NREP: variants seen among roughly 807,000 people sequenced by gnomAD.
NREP encodes the protein neuronal regeneration related protein.
In NREP, 5 loss-of-function variants were observed where a neutral mutation model predicts 8.6. That is an observed-to-expected ratio of 0.58 (90% CI 0.30 to 1.22). The LOEUF (loss-of-function observed/expected upper bound fraction) is 1.22. Ranked by LOEUF, NREP falls within the 50% of genes most tolerant of loss-of-function variation. NREP has a pLI of 0.07. For missense variants in NREP, 86 were observed against 82.5 expected (o/e 1.04, Z -0.17); for synonymous variants, 27 against 28.0 (o/e 0.96, Z 0.11).
At chr5:111,972,475 T>C (rs1247850341) in intron 2 of NREP, among the ~76,000 whole-genome samples, 3 of 152,242 alleles carry the variant, frequency 2.0e-5, no homozygotes, top group Non-Finnish European at 4.4e-5. Flanking sequence ...TGATCTGCTT[T>C]AATTGCAATG....
At chr5:111,761,063 G>T (rs990149267), upstream of NREP, among the ~76,000 whole-genome samples, 1 of 152,166 alleles carries the variant, frequency 6.6e-6, no homozygotes, top group Non-Finnish European at 1.5e-5. Context: ...GCTCTATGTG[G>T]CCTTGGATAA....
At chr5:111,797,162 A>G (rs1195172968) in intron 2 of NREP, among the ~76,000 whole-genome samples, 1 of 152,252 alleles carries the variant, frequency 6.6e-6, no homozygotes, top group Non-Finnish European at 1.5e-5. Context: ...GGGACAGATT[A>G]GAGATGAAAA....
chr5:111,799,487 C>T (rs985941331), intron 2 of NREP, among the ~76,000 whole-genome samples: 1 of 152,186 alleles, frequency 6.6e-6, no homozygotes, highest in Non-Finnish European at 1.5e-5. Context: ...AGACCAATTG[C>T]CCTAGGATAA....
chr5:111,743,635 T>C (rs1749819612), intron 2 of NREP, among the ~76,000 whole-genome samples: 1 of 152,290 alleles, frequency 6.6e-6, no homozygotes, highest in Middle Eastern at 3.4e-3. Flanking sequence ...TTGTGAATTT[T>C]AGAATGGTAT....
At chr5:111,771,885 C>A (rs752668346) in intron 2 of NREP, among the ~76,000 whole-genome samples, 2 of 151,944 alleles carry the variant, frequency 1.3e-5, no homozygotes, top group Non-Finnish European at 2.9e-5. Flanking sequence ...TCCCTAAGAA[C>A]TATATTACTT....
chr5:111,885,355 G>A (rs866649191), intron 2 of NREP, among the ~76,000 whole-genome samples: 54 of 151,916 alleles, frequency 3.6e-4, no homozygotes, highest in Non-Finnish European at 5.9e-4. Flanking sequence ...AACATTCCAT[G>A]CTCATGAGTA....
At chr5:111,843,054 A>G (rs1402698641) in intron 2 of NREP, among the ~76,000 whole-genome samples, 4 of 152,110 alleles carry the variant, frequency 2.6e-5, no homozygotes, top group Admixed American at 2.6e-4. Flanking sequence ...ATTTTTGATT[A>G]TTTGGGATCC....
chr5:111,864,164 C>T (rs1052832631), intron 2 of NREP, among the ~76,000 whole-genome samples: 1 of 152,116 alleles, frequency 6.6e-6, no homozygotes, highest in African/African-American at 2.4e-5. Flanking sequence ...ACTCACTGCA[C>T]CATGTTTTGT....
intron 2 of NREP, among the ~76,000 whole-genome samples, chr5:111,958,028 G>A (rs1756373821): frequency 6.6e-6 from 1 of 151,872 alleles, no homozygotes; most frequent in African/African-American, 2.4e-5. Flanking sequence ...CTAAAGTGAA[G>A]CTTTCGAAAG....
intron 2 of NREP, among the ~76,000 whole-genome samples, chr5:111,880,997 C>A (rs144418328): frequency 6.6e-6 from 1 of 152,118 alleles, no homozygotes; most frequent in African/African-American, 2.4e-5. Flanking sequence ...TGCAGCGCAC[C>A]GTGCATGAGC....
intron 2 of NREP, chr5:111,846,419 G>GTTTTTTTTTTTTTT (rs1753168991): frequency 2.6e-5 from 1 of 37,744 alleles, no homozygotes; most frequent in Non-Finnish European, 5.4e-5. Flanking sequence ...CTTTTTGTTT[G>GTTTTTTTTTTTTTT]CTTTTTTTTT....
At chr5:111,936,405 T>G (rs1755684311) in intron 2 of NREP, among the ~76,000 whole-genome samples, 1 of 152,060 alleles carries the variant, frequency 6.6e-6, no homozygotes, top group Admixed American at 6.6e-5. Context: ...TTCACCATAA[T>G]CGTCAGTTTC....
chr5:111,729,794 T>C lies in NREP; in HGVS notation c.*1127A>G, dbSNP rs1281065450. ...AAAATGTAAATCTACACCTTGCTTA[T>C]CAAAATTGCCGAAAAAAGAATGCTC... On this transcript the variant is annotated 3_prime_UTR_variant, in exon 4 of 4. Coordinates refer to ENST00000257435, the MANE Select transcript of NREP (RefSeq NM_004772.4). 2 of 152,598 alleles carry C rather than the reference T, an allele frequency of 1.3e-5. No individual in the cohort carries two copies. The highest frequency in any genetic ancestry group is 2.9e-5 in the Non-Finnish European group (2 of 68,036). 9.5% of individuals were successfully genotyped at this position (152,598 alleles called of 1,614,324 possible).
intron 2 of NREP, among the ~76,000 whole-genome samples, chr5:111,916,640 CT>C (rs1157672994): frequency 4.6e-5 from 7 of 152,092 alleles, no homozygotes; most frequent in Non-Finnish European, 7.4e-5. Flanking sequence ...CAATTACTTG[CT>C]GTGTGATCAT....
chr5:111,785,340 A>G (rs1329573994), intron 2 of NREP, among the ~76,000 whole-genome samples: 2 of 152,028 alleles, frequency 1.3e-5, no homozygotes, highest in Admixed American at 6.6e-5. Context: ...GTGCAGTGGT[A>G]TGATCTGGGC....
intron 2 of NREP, among the ~76,000 whole-genome samples, chr5:111,954,360 T>C (rs996269281): frequency 4.6e-5 from 7 of 152,130 alleles, no homozygotes; most frequent in East Asian, 1.9e-4. Context: ...ATTATGTTAA[T>C]AGGAAAAGGA....
In NREP at chr5:111,849,856, T is replaced by A. The variant is rs1389848; in HGVS notation, c.136-114349A>T. ...CCCTGCCCATTTTCCTTTTCTTCCT[T>A]CCCGCAGTCTTGAATAAAAATGTAT... On this transcript the variant is annotated intron_variant, in intron 2 of 3. Coordinates refer to the NREP transcript ENST00000395634. Among the ~76,000 whole-genome samples, 35 of 152,180 alleles carry A rather than the reference T, an allele frequency of 2.3e-4. No individual in the cohort carries two copies. The East Asian group carries it at 6.6e-3, about 29-fold the overall frequency.
At position 111,731,011 on chromosome 5, in the gene NREP, C is replaced by T; in HGVS notation, c.117G>A (p.Lys39=). Residue 39 remains lysine (K), a synonymous_variant, in exon 4 of 4, where the codon AAG becomes AAA. Transcript: ENST00000257435. ...AGGCAGCGTTTGTCTCATCGTTCTTCTTGCGGTTCACTTCCTTTGGGACAG... is the reference window on the plus strand; with the variant it reads ...AGGCAGCGTTTGTCTCATCGTTCTTTTTGCGGTTCACTTCCTTTGGGACAG... The part of the protein sequence containing the change: ...RLPVPKEVNR[K]KNDETNAASL... The T allele has an allele frequency of 6.2e-7, 1 of 1,613,964 alleles. No individual in the cohort carries two copies. The highest frequency in any genetic ancestry group is 8.5e-7 in the Non-Finnish European group (1 of 1,179,840).
intron 2 of NREP, among the ~76,000 whole-genome samples, chr5:111,847,510 A>T (rs1753211604): frequency 6.6e-6 from 1 of 152,204 alleles, no homozygotes; most frequent in East Asian, 1.9e-4. Context: ...TACATTTAAC[A>T]AACTAATGTG....
Sources: gnomAD v4.1 joint callset for allele counts (sites outside exome capture counted in the v4.1 genomes callset) on GRCh38, gnomAD v4.1.1 for gene constraint, MANE v1.5 for transcripts, NCBI Gene and HGNC (gene_info 2026-07-23, HGNC 2026-07-21) for gene names.